Variants in GPHN observed in about 807,000 individuals in gnomAD.
The protein encoded by GPHN is gephyrin.
A neutral mutation model predicts 95.5 loss-of-function variants in GPHN; 17 were observed. The observed-to-expected ratio is 0.18, with a 90% confidence interval of 0.12 to 0.27. The LOEUF is 0.27. Ranked by LOEUF, GPHN falls within the 10% of genes least tolerant of loss-of-function variation. GPHN has a pLI of 1.00. For synonymous variants in GPHN, 320 were observed against 322.5 expected (o/e 0.99, Z 0.08); for missense variants, 660 against 978.1 (o/e 0.67, Z 4.34).
chr14:67,430,102 G>A, the GPHN span, among the ~76,000 whole-genome samples: 2 of 152,166 alleles, frequency 1.3e-5, no homozygotes, highest in Admixed American at 1.3e-4. Flanking sequence ...AGAGGAGCCC[G>A]AACCTGGCTA....
chr14:66,596,597 C>G (rs2061982887), intron 1 of GPHN, among the ~76,000 whole-genome samples: 1 of 152,194 alleles, frequency 6.6e-6, no homozygotes, highest in Admixed American at 6.5e-5. Flanking sequence ...CTGGCTGATT[C>G]ATGACAGTGC....
At chr14:67,638,697 A>C in the GPHN span, among the ~76,000 whole-genome samples, 45 of 152,352 alleles carry the variant, frequency 3.0e-4, no homozygotes, top group African/African-American at 1.1e-3. Flanking sequence ...TAGGCCACTC[A>C]GGCAGGGCCT....
intron 10 of GPHN, among the ~76,000 whole-genome samples, chr14:67,046,696 C>G (rs2075036967): frequency 3.3e-5 from 5 of 152,052 alleles, no homozygotes; most frequent in Admixed American, 3.3e-4. Flanking sequence ...GTCAGAAATG[C>G]TTTGAGGCTC....
At chr14:66,646,900 A>T (rs1319075208) in intron 1 of GPHN, among the ~76,000 whole-genome samples, 1 of 151,824 alleles carries the variant, frequency 6.6e-6, no homozygotes, top group East Asian at 1.9e-4. Context: ...TTATTTTTAA[A>T]ATTTTATTTT....
chr14:67,170,853 G>A (rs1184411656), intron 21 of GPHN, among the ~76,000 whole-genome samples: 1 of 152,184 alleles, frequency 6.6e-6, no homozygotes, highest in Non-Finnish European at 1.5e-5. Context: ...TCCTTGAAAC[G>A]TGATAAGTCT....
At chr14:67,322,839 A>G in the GPHN span, among the ~76,000 whole-genome samples, 1 of 152,234 alleles carries the variant, frequency 6.6e-6, no homozygotes, top group East Asian at 1.9e-4. Flanking sequence ...CCATTTTGAT[A>G]GAGCGTGTCA....
intron 2 of GPHN, among the ~76,000 whole-genome samples, chr14:66,753,251 T>C (rs1232988625): frequency 1.3e-5 from 2 of 152,030 alleles, no homozygotes; most frequent in Non-Finnish European, 2.9e-5. Context: ...ACATCCACCA[T>C]GCAATAAGAA....
At chr14:67,596,647 T>C in the GPHN span, among the ~76,000 whole-genome samples, 2 of 152,146 alleles carry the variant, frequency 1.3e-5, no homozygotes, top group African/African-American at 4.8e-5. Context: ...GGGCCTGCAC[T>C]ACCCACCCAA....
At chr14:67,293,525 A>G in the GPHN span, among the ~76,000 whole-genome samples, 2 of 152,206 alleles carry the variant, frequency 1.3e-5, no homozygotes, top group African/African-American at 4.8e-5. Context: ...AGATTAGCAC[A>G]TAATTGTCCC....
At chr14:66,878,808 C>T (rs150728948) in intron 4 of GPHN, among the ~76,000 whole-genome samples, 14 of 152,150 alleles carry the variant, frequency 9.2e-5, no homozygotes. Context: ...GACAGTGTGG[C>T]GATTCCTCAA....
At chr14:66,626,882 C>A (rs2063547834) in intron 1 of GPHN, among the ~76,000 whole-genome samples, 1 of 151,958 alleles carries the variant, frequency 6.6e-6, no homozygotes, top group African/African-American at 2.4e-5. Flanking sequence ...ACTTTGTGAT[C>A]CTACAAATTA....
the GPHN span, among the ~76,000 whole-genome samples, chr14:67,630,874 T>C: frequency 6.6e-6 from 1 of 152,156 alleles, no homozygotes; most frequent in South Asian, 2.1e-4. Context: ...TGAGCCACCG[T>C]GCCCCGCCCA....
chr14:67,046,540 A>T (rs2075028575), intron 10 of GPHN, among the ~76,000 whole-genome samples: 1 of 152,212 alleles, frequency 6.6e-6, no homozygotes, highest in Admixed American at 6.5e-5. Flanking sequence ...GTGATAATCA[A>T]CTATTGATAT....
At chr14:67,141,688 T>C (rs959549624) in intron 17 of GPHN, among the ~76,000 whole-genome samples, 2 of 152,170 alleles carry the variant, frequency 1.3e-5, no homozygotes, top group Admixed American at 1.3e-4. Flanking sequence ...GAGTTCACAT[T>C]CTTAATCTCT....
chr14:67,571,781 T>C, the GPHN span: 9 of 1,613,920 alleles, frequency 5.6e-6, no homozygotes, highest in Non-Finnish European at 7.6e-6. Context: ...ACATGCCCTT[T>C]ATGGACGAGT....
At chr14:67,427,664 TC>T in the GPHN span, among the ~76,000 whole-genome samples, 1 of 152,208 alleles carries the variant, frequency 6.6e-6, no homozygotes, top group African/African-American at 2.4e-5. Context: ...TCTGAGAAAC[TC>T]ATTTACGCTA....
At chr14:67,457,811 A>T in the GPHN span, among the ~76,000 whole-genome samples, 1 of 152,358 alleles carries the variant, frequency 6.6e-6, no homozygotes, top group South Asian at 2.1e-4. Flanking sequence ...GGCTCTAGCC[A>T]CTGTGAAATG....
chr14:66,675,562 A>C (rs117919956), intron 1 of GPHN, among the ~76,000 whole-genome samples: 2,026 of 152,182 alleles, frequency 0.013, 21 homozygotes, highest in Middle Eastern at 0.02. Context: ...TCAACAGACT[A>C]TATTTCTTTA....
intron 3 of GPHN, among the ~76,000 whole-genome samples, chr14:66,809,512 AG>A (rs1393628892): frequency 2.0e-5 from 3 of 152,208 alleles, no homozygotes; most frequent in African/African-American, 4.8e-5. Flanking sequence ...AGATTAATTC[AG>A]GGTTTTCACT....
Sources: gnomAD v4.1 joint callset for allele counts (sites outside exome capture counted in the v4.1 genomes callset) on GRCh38, gnomAD v4.1.1 for gene constraint, MANE v1.5 for transcripts, NCBI Gene and HGNC (gene_info 2026-07-23, HGNC 2026-07-21) for gene names.